The following DGKB variants were observed in gnomAD, a reference collection of about 807,000 sequenced individuals.
DGKB encodes the protein 90 kDa diacylglycerol kinase.
In DGKB, 67 loss-of-function variants were observed where a neutral mutation model predicts 114.3. The ratio of observed to expected loss-of-function variants is 0.59; its 90% CI spans 0.48 to 0.72. The LOEUF is 0.72. Among genes scored for constraint, DGKB ranks in the 30% least tolerant of loss-of-function variants. The probability of loss-of-function intolerance (pLI) is 0.00; values close to 1 mark genes in which losing one functional copy is unlikely to be tolerated. For synonymous variants in DGKB, 398 were observed against 323.1 expected (o/e 1.23, Z -2.49); for missense variants, 907 against 975.2 (o/e 0.93, Z 0.93).
chr7:14,414,289 G>A (rs1825361943), intron 21 of DGKB, among the ~76,000 whole-genome samples: 2 of 152,040 alleles, frequency 1.3e-5, no homozygotes, highest in Non-Finnish European at 2.9e-5. Context: ...CCCTCCAAAA[G>A]TAAAACAGAG....
chr7:14,358,324 T>G (rs749743245), intron 21 of DGKB, among the ~76,000 whole-genome samples: 1 of 152,156 alleles, frequency 6.6e-6, no homozygotes, highest in Non-Finnish European at 1.5e-5. Flanking sequence ...ACTTCCTGCT[T>G]TATTTCAGTA....
intron 2 of DGKB, among the ~76,000 whole-genome samples, chr7:14,766,646 G>A (rs1836504627): frequency 6.6e-6 from 1 of 151,800 alleles, no homozygotes; most frequent in African/African-American, 2.4e-5. Flanking sequence ...CTGGGCTGAA[G>A]AACGAAATTT....
At chr7:14,710,360 G>T (rs1827151367) in intron 6 of DGKB, among the ~76,000 whole-genome samples, 1 of 151,968 alleles carries the variant, frequency 6.6e-6, no homozygotes, top group Admixed American at 6.6e-5. Context: ...TTTCTACCTT[G>T]TAGGCATAGA....
chr7:14,938,909 G>A (rs1291510166), intron 1 of DGKB, among the ~76,000 whole-genome samples: 1 of 152,028 alleles, frequency 6.6e-6, no homozygotes, highest in Non-Finnish European at 1.5e-5. Context: ...TATGACCTTG[G>A]TCATGTGATC....
intron 6 of DGKB, among the ~76,000 whole-genome samples, chr7:14,702,884 G>A (rs551053692): frequency 7.2e-5 from 11 of 152,184 alleles, no homozygotes; most frequent in African/African-American, 1.9e-4. Flanking sequence ...AAAAAAGTTA[G>A]CCATGTCACT....
At chr7:14,265,452 T>G (rs1359256623) in intron 23 of DGKB, among the ~76,000 whole-genome samples, 1 of 150,596 alleles carries the variant, frequency 6.6e-6, no homozygotes, top group South Asian at 2.1e-4. Flanking sequence ...CCTAATCCTG[T>G]GACAGTTTCA....
intron 17 of DGKB, among the ~76,000 whole-genome samples, chr7:14,599,528 C>G (rs947900059): frequency 2.6e-5 from 4 of 152,200 alleles, no homozygotes; most frequent in African/African-American, 4.8e-5. Context: ...CACATCTATA[C>G]TCAGCCAGTT....
At chr7:14,271,768 G>T in intron 23 of DGKB, among the ~76,000 whole-genome samples, 1 of 152,168 alleles carries the variant, frequency 6.6e-6, no homozygotes, top group East Asian at 1.9e-4. Context: ...AAAGAAAATA[G>T]CTCCCAATAA....
chr7:14,685,270 C>T lies in DGKB; in HGVS notation c.804G>A (p.Val268=), dbSNP rs1821484129. 1.9e-6 allele frequency: 3 copies of T among 1,613,624 alleles called. No homozygotes were observed. The South Asian group carries it at 3.3e-5, about 18-fold the overall frequency. ...CNLCLNMLIG[V]GKQGLCCSFC... is the part of the protein sequence containing the mutation. Reference sequence around the variant, plus strand: ...AGGAACAGCAGAGGCCCTGCTTCCCCACGCCAATCAGCATGTTCAGGCAAA... The same window carrying T: ...AGGAACAGCAGAGGCCCTGCTTCCCTACGCCAATCAGCATGTTCAGGCAAA... Residue 268 remains valine (V), a synonymous_variant, in exon 10 of 26, where the codon GTG becomes GTA. Coordinates refer to ENST00000402815, the MANE Select transcript of DGKB (RefSeq NM_001350709.2).
intron 20 of DGKB, among the ~76,000 whole-genome samples, chr7:14,532,308 G>C (rs896991195): frequency 1.3e-5 from 2 of 148,740 alleles, no homozygotes; most frequent in African/African-American, 4.9e-5. Flanking sequence ...TCATAAATAT[G>C]AATGGACTAA....
rs1016919833 is a variant in DGKB, at chr7:14,498,692, T to C, written c.1771-20467A>G. Among the ~76,000 whole-genome samples the C allele has an allele frequency of 3.3e-5, 5 of 151,758 alleles. No homozygotes were observed. The East Asian group carries it at 5.8e-4, about 18-fold the overall frequency. Reference sequence around the variant, plus strand: ...GCTATAATGTATCCAGTAGTAGTAGTACACTTTTTGTTAGGAAGGAAAAGA... The same window carrying C: ...GCTATAATGTATCCAGTAGTAGTAGCACACTTTTTGTTAGGAAGGAAAAGA... On this transcript the variant is annotated intron_variant, in intron 20 of 25. Coordinates refer to ENST00000402815, the MANE Select transcript of DGKB (RefSeq NM_001350709.2).
chr7:14,532,886 A>G (rs1041013591), intron 20 of DGKB, among the ~76,000 whole-genome samples: 1 of 151,726 alleles, frequency 6.6e-6, no homozygotes, highest in African/African-American at 2.4e-5. Context: ...AATTAAAATT[A>G]TAAGTGAAAG....
chr7:14,731,924 A>C (rs1194803453), intron 5 of DGKB, among the ~76,000 whole-genome samples: 1 of 152,154 alleles, frequency 6.6e-6, no homozygotes, highest in East Asian at 1.9e-4. Context: ...AAATATGGAA[A>C]CAGTAGTAGT....
chr7:14,658,281 T>C (rs1365417774), intron 13 of DGKB, among the ~76,000 whole-genome samples: 1 of 151,914 alleles, frequency 6.6e-6, no homozygotes, highest in African/African-American at 2.4e-5. Context: ...TAGATGGAAC[T>C]GGAGGTCAAT....
At chr7:14,891,215 A>G (rs1022844090) in intron 1 of DGKB, among the ~76,000 whole-genome samples, 8 of 151,396 alleles carry the variant, frequency 5.3e-5, no homozygotes, top group African/African-American at 1.9e-4. Context: ...TATATACTAC[A>G]ATATAGTGCA....
intron 21 of DGKB, among the ~76,000 whole-genome samples, chr7:14,347,432 C>T (rs752955859): frequency 1.3e-5 from 2 of 152,012 alleles, no homozygotes; most frequent in Admixed American, 6.6e-5. Context: ...CCAGCAATCT[C>T]TCTTCTGTAT....
At chr7:14,368,395 G>T (rs62444592) in intron 21 of DGKB, among the ~76,000 whole-genome samples, 3 of 152,192 alleles carry the variant, frequency 2.0e-5, no homozygotes, top group African/African-American at 7.2e-5. Context: ...TTTTTTTAGG[G>T]TGATTTTATG....
chr7:14,149,109 C>G lies in DGKB; in HGVS notation c.*22G>C. ...TGGCCCAATTATGCTAATTCAATTT[C>G]TAAGAGTGAAACAACACAGGATTAT... On this transcript the variant is annotated 3_prime_UTR_variant, in exon 26 of 26. Coordinates refer to ENST00000402815, the MANE Select transcript of DGKB (RefSeq NM_001350709.2). 1.3e-6 allele frequency: 2 copies of G among 1,597,172 alleles called. No homozygotes were observed. The highest frequency in any genetic ancestry group is 1.7e-6 in the Non-Finnish European group (2 of 1,164,822).
At chr7:14,695,759 G>T (rs1035111103) in intron 8 of DGKB, among the ~76,000 whole-genome samples, 1 of 151,558 alleles carries the variant, frequency 6.6e-6, no homozygotes, top group Non-Finnish European at 1.5e-5. Context: ...CACCTGCCTC[G>T]GCCTCCCAAA....
Sources: allele counts gnomAD v4.1 joint callset (sites outside exome capture counted in the v4.1 genomes callset), GRCh38; gene constraint gnomAD v4.1.1; transcripts MANE v1.5; gene names NCBI Gene and HGNC (gene_info 2026-07-23, HGNC 2026-07-21).